Variants in SDCCAG8 observed in about 807,000 individuals in gnomAD.
SDCCAG8 encodes the protein serologically defined colon cancer antigen 8.
A neutral mutation model predicts 101.8 loss-of-function variants in SDCCAG8; 74 were observed. The ratio of observed to expected loss-of-function variants is 0.73; its 90% CI spans 0.60 to 0.88. The LOEUF (loss-of-function observed/expected upper bound fraction) is 0.88. Ranked by LOEUF, SDCCAG8 falls within the 40% of genes least tolerant of loss-of-function variation. The pLI is 0.00. For synonymous variants in SDCCAG8, 281 were observed against 292.9 expected (o/e 0.96, Z 0.41); for missense variants, 787 against 822.6 (o/e 0.96, Z 0.53).
intron 6 of SDCCAG8, among the ~76,000 whole-genome samples, chr1:243,294,482 G>GGGAGAGAGAGAGAGAAAGAGC (rs1259035129): frequency 1.0e-5 from 1 of 99,952 alleles, no homozygotes; most frequent in Non-Finnish European, 2.0e-5. Context: ...GTGGGGGGGG[G>GGGAGAGAGAGAGAGAAAGAGC]GAGAGAGAGA....
chr1:243,439,556 C>T (rs896802709), intron 16 of SDCCAG8, among the ~76,000 whole-genome samples: 1 of 149,092 alleles, frequency 6.7e-6, no homozygotes, highest in Non-Finnish European at 1.5e-5. Flanking sequence ...AGCCAGGAGG[C>T]GGAGGTTGCA....
At chr1:243,490,188 C>G (rs1266832734) in intron 17 of SDCCAG8, among the ~76,000 whole-genome samples, 1 of 152,256 alleles carries the variant, frequency 6.6e-6, no homozygotes, top group Non-Finnish European at 1.5e-5. Context: ...TTTTCCCACT[C>G]GGTCCAAAAT....
At chr1:243,288,396 G>A (rs1558238400) in intron 5 of SDCCAG8, among the ~76,000 whole-genome samples, 2 of 151,934 alleles carry the variant, frequency 1.3e-5, no homozygotes, top group Non-Finnish European at 1.5e-5. Context: ...ATCCCAGGAG[G>A]TCAAGGCTGC....
At chr1:243,323,133 T>TA (rs1008031575) in intron 9 of SDCCAG8, among the ~76,000 whole-genome samples, 182 of 136,968 alleles carry the variant, frequency 1.3e-3, no homozygotes, top group East Asian at 4.1e-3. Flanking sequence ...GACTCCATCT[T>TA]AAAAAAAAAA....
chr1:243,263,152 T>C (rs2067318088), intron 1 of SDCCAG8, among the ~76,000 whole-genome samples: 1 of 152,164 alleles, frequency 6.6e-6, no homozygotes, highest in Non-Finnish European at 1.5e-5. Flanking sequence ...ATAGCAAGTC[T>C]CCCCTCAACA....
intron 5 of SDCCAG8, among the ~76,000 whole-genome samples, chr1:243,288,144 C>T (rs2069815157): frequency 6.6e-6 from 1 of 151,988 alleles, no homozygotes; most frequent in Non-Finnish European, 1.5e-5. Flanking sequence ...AATTGTTACC[C>T]CCACGTTTTA....
At chr1:243,429,825 C>T (rs371952342) in intron 16 of SDCCAG8, among the ~76,000 whole-genome samples, 2 of 151,554 alleles carry the variant, frequency 1.3e-5, no homozygotes, top group East Asian at 3.9e-4. Flanking sequence ...CCTCAGCCTC[C>T]GGAGTAGCTG....
rs1388862008 is a variant in SDCCAG8 at position 243,259,806 on chromosome 1, G to A, written c.67+3566G>A. ...GCTGAGATCGCGCCACTGCACTCCA[G>A]CCTGGGTAACAAGAGTGAAATCCTA... is the stretch of plus-strand genomic sequence containing the variant. On this transcript the variant is annotated intron_variant, in intron 1 of 17. Coordinates refer to ENST00000366541, the MANE Select transcript of SDCCAG8 (RefSeq NM_006642.5). Among the ~76,000 whole-genome samples the A allele has an allele frequency of 2.0e-5, 3 of 152,212 alleles. No individual in the cohort carries two copies. The South Asian group carries it at 6.2e-4, about 32-fold the overall frequency.
intron 7 of SDCCAG8, chr1:243,305,562 G>A (rs2072012061): frequency 6.6e-6 from 1 of 151,914 alleles, no homozygotes; most frequent in African/African-American, 2.4e-5. Flanking sequence ...ATCCCAGTAA[G>A]ACCTATATAT....
At chr1:243,476,096 T>G (rs1662365412) in intron 16 of SDCCAG8, 6 of 985,308 alleles carry the variant, frequency 6.1e-6, no homozygotes, top group Non-Finnish European at 7.2e-6. Flanking sequence ...AGGACCCCCT[T>G]TTACTGAATG....
chr1:243,481,424 G>A (rs764828569), intron 16 of SDCCAG8, among the ~76,000 whole-genome samples: 1 of 152,154 alleles, frequency 6.6e-6, no homozygotes, highest in Non-Finnish European at 1.5e-5. Flanking sequence ...TGCATAAAAT[G>A]CAGATGATAA....
At chr1:243,344,679 C>A (rs1204581102) in intron 12 of SDCCAG8, among the ~76,000 whole-genome samples, 2 of 152,104 alleles carry the variant, frequency 1.3e-5, no homozygotes, top group African/African-American at 4.8e-5. Context: ...CAACTTGAAT[C>A]CAATTTTAAA....
chr1:243,447,272 A>C (rs942248466), intron 16 of SDCCAG8, among the ~76,000 whole-genome samples: 2 of 151,256 alleles, frequency 1.3e-5, no homozygotes, highest in Non-Finnish European at 2.9e-5. Context: ...AAAAAAAAAA[A>C]AAAACCATGC....
intron 17 of SDCCAG8, among the ~76,000 whole-genome samples, chr1:243,492,846 A>T (rs1272717369): frequency 6.6e-6 from 1 of 152,020 alleles, no homozygotes; most frequent in Admixed American, 6.5e-5. Context: ...ACCTCAGGTG[A>T]TCTGCCCACC....
rs544333797 is a variant in SDCCAG8 at position 243,365,231 on chromosome 1, T to C, written c.1474-13490T>C. On this transcript the variant is annotated intron_variant, in intron 12 of 17. Transcript: ENST00000366541. ...CGATAGATTAAGATGATGACTGAGG[T>C]GTCTTGTGTCCCTAACTGCATGTTT... Among the ~76,000 whole-genome samples, 4 of 152,232 alleles carry C rather than the reference T, an allele frequency of 2.6e-5. No individual in the cohort carries two copies. The East Asian group carries it at 7.7e-4, about 29-fold the overall frequency.
At chr1:243,266,028 G>A (rs191587619) in intron 1 of SDCCAG8, among the ~76,000 whole-genome samples, 4 of 152,036 alleles carry the variant, frequency 2.6e-5, no homozygotes, top group East Asian at 1.9e-4. Flanking sequence ...CTTTAAAAAC[G>A]CAACAAAAAT....
rs1022080658 is a variant in SDCCAG8, at chr1:243,293,220, G to A, written c.675+1G>A. The A allele has an allele frequency of 1.9e-6, 3 of 1,613,856 alleles. No individual in the cohort carries two copies. The highest frequency in any genetic ancestry group is 2.5e-6 in the Non-Finnish European group (3 of 1,179,954). On this transcript the variant is annotated splice_donor_variant, in intron 6 of 17. Coordinates refer to ENST00000366541, the MANE Select transcript of SDCCAG8 (RefSeq NM_006642.5). LOFTEE classifies it high-confidence loss of function. ...ATCTGCTGGTGAGCAGCTAGAACTG[G>A]TGAGTATTTGGGTGCTTTTCTCTTA...
intron 7 of SDCCAG8, chr1:243,307,733 T>C: frequency 1.4e-6 from 2 of 1,383,242 alleles, no homozygotes; most frequent in South Asian, 3.2e-5. Flanking sequence ...AGGCGGATTC[T>C]AATCTATATT....
At chr1:243,295,827 C>A (rs1242854865) in intron 6 of SDCCAG8, among the ~76,000 whole-genome samples, 3 of 152,104 alleles carry the variant, frequency 2.0e-5, no homozygotes, top group African/African-American at 7.2e-5. Context: ...CTCCCCCTAG[C>A]ACTGTGTTTA....
Sources: gnomAD v4.1 joint callset for allele counts (sites outside exome capture counted in the v4.1 genomes callset) on GRCh38, gnomAD v4.1.1 for gene constraint, MANE v1.5 for transcripts, NCBI Gene and HGNC (gene_info 2026-07-23, HGNC 2026-07-21) for gene names.